SGCZ: variants seen among roughly 807,000 people sequenced by gnomAD.
SGCZ encodes the protein sarcoglycan zeta.
SGCZ carries 40 observed loss-of-function variants against 41.3 expected under a neutral mutation model. The observed-to-expected ratio is 0.97, with a 90% CI of 0.75 to 1.26. The LOEUF is 1.26. SGCZ is among the 50% of genes most tolerant of loss of function. SGCZ has a pLI of 0.00. For missense variants in SGCZ, 552 were observed against 369.8 expected, an observed-to-expected ratio of 1.49 and a Z score of -4.04; for synonymous variants, 206 against 137.5, an observed-to-expected ratio of 1.50 and a Z score of -3.49.
intron 1 of SGCZ, among the ~76,000 whole-genome samples, chr8:14,842,728 A>G (rs1431895982): frequency 6.6e-6 from 1 of 152,206 alleles, no homozygotes; most frequent in Non-Finnish European, 1.5e-5. Flanking sequence ...ATGAAAATGT[A>G]CTTGAAAAGA....
At chr8:14,336,684 C>G (rs566112565) in intron 2 of SGCZ, among the ~76,000 whole-genome samples, 1 of 152,184 alleles carries the variant, frequency 6.6e-6, no homozygotes, top group South Asian at 2.1e-4. Flanking sequence ...AGTTTTAAAA[C>G]CCAGATTTAT....
intron 5 of SGCZ, among the ~76,000 whole-genome samples, chr8:14,163,966 G>A (rs1331355383): frequency 6.6e-6 from 1 of 152,120 alleles, no homozygotes; most frequent in Non-Finnish European, 1.5e-5. Context: ...TAATTCAGAA[G>A]AGATTGTGCT....
chr8:14,656,739 A>G (rs1807591392), intron 1 of SGCZ, among the ~76,000 whole-genome samples: 2 of 151,480 alleles, frequency 1.3e-5, no homozygotes. Context: ...AACAGCTTCA[A>G]CTGAAAGTTT....
At position 14,772,862 on chromosome 8, in the gene SGCZ, G is replaced by A. The variant is rs371465988; in HGVS notation, c.40-217936C>T. The stretch of plus-strand genomic sequence containing the variant: ...TTTGGGTTGGTTCCAAGTCTTTGCT[G>A]TTGTGAATAGTGCCACAATAAACAT... On this transcript the variant is annotated intron_variant, in intron 1 of 7. Transcript: ENST00000382080. Among the ~76,000 whole-genome samples, 124 of 151,998 alleles carry A rather than the reference G, an allele frequency of 8.2e-4. 2 individuals are homozygous for A. The highest frequency in any genetic ancestry group is 2.8e-3 in the African/African-American group (114 of 41,432).
chr8:14,871,262 C>G (rs1262243334), intron 1 of SGCZ, among the ~76,000 whole-genome samples: 1 of 151,802 alleles, frequency 6.6e-6, no homozygotes. Context: ...TGTGGAGAAA[C>G]AGGAACCCTT....
At chr8:14,885,806 G>A (rs1039048633) in intron 1 of SGCZ, among the ~76,000 whole-genome samples, 2 of 151,410 alleles carry the variant, frequency 1.3e-5, no homozygotes, top group African/African-American at 4.9e-5. Context: ...TTTTGTTGTT[G>A]ATGATGTTAT....
intron 1 of SGCZ, among the ~76,000 whole-genome samples, chr8:14,806,053 C>G (rs1214978571): frequency 1.3e-5 from 2 of 151,470 alleles, no homozygotes; most frequent in Admixed American, 1.3e-4. Flanking sequence ...ATACAACATA[C>G]CAGAATCTCT....
chr8:14,564,427 C>G (rs1804297086), intron 1 of SGCZ, among the ~76,000 whole-genome samples: 1 of 152,206 alleles, frequency 6.6e-6, no homozygotes, highest in Non-Finnish European at 1.5e-5. Flanking sequence ...CAGATCCCAG[C>G]TTGTCCATTG....
At chr8:14,796,039 G>A (rs1246800902) in intron 1 of SGCZ, among the ~76,000 whole-genome samples, 1 of 152,158 alleles carries the variant, frequency 6.6e-6, no homozygotes, top group Non-Finnish European at 1.5e-5. Flanking sequence ...ATTCCATGGT[G>A]TGTATGTACC....
rs945555838 is a variant in SGCZ, at chr8:14,963,951, A to G, written c.39+273634T>C. Among the ~76,000 whole-genome samples, 6 of 152,184 alleles carry G rather than the reference A, an allele frequency of 3.9e-5. No homozygotes were observed. The East Asian group carries it at 1.2e-3, about 29-fold the overall frequency. Reference sequence around the variant, plus strand: ...AAAAATTTTTTCTAAGTTGTTTAATATAGCCCTCAAATGATAGCACGTGGA... The same window carrying G: ...AAAAATTTTTTCTAAGTTGTTTAATGTAGCCCTCAAATGATAGCACGTGGA... On this transcript the variant is annotated intron_variant, in intron 1 of 7. Coordinates refer to ENST00000382080, the MANE Select transcript of SGCZ (RefSeq NM_139167.4).
At chr8:14,927,487 G>T (rs1467236903) in intron 1 of SGCZ, among the ~76,000 whole-genome samples, 1 of 152,118 alleles carries the variant, frequency 6.6e-6, no homozygotes, top group African/African-American at 2.4e-5. Flanking sequence ...GTGTAAGGGA[G>T]AGAGAGAATA....
intron 1 of SGCZ, among the ~76,000 whole-genome samples, chr8:15,103,805 T>C (rs1197906271): frequency 3.3e-5 from 5 of 151,716 alleles, no homozygotes; most frequent in Non-Finnish European, 4.4e-5. Flanking sequence ...GAAAGAAACA[T>C]GAAGAAAAGG....
At chr8:14,120,122 TA>T (rs1226397999) in intron 5 of SGCZ, among the ~76,000 whole-genome samples, 5 of 152,078 alleles carry the variant, frequency 3.3e-5, no homozygotes, top group Admixed American at 1.3e-4. Context: ...ACCAAATTTC[TA>T]AAAAAGGTAT....
At chr8:14,190,586 A>G (rs1166619610) in intron 4 of SGCZ, among the ~76,000 whole-genome samples, 1 of 151,830 alleles carries the variant, frequency 6.6e-6, no homozygotes, top group Non-Finnish European at 1.5e-5. Flanking sequence ...TGGATGACAT[A>G]TAAATCTTCT....
chr8:14,910,635 T>A (rs13253015), intron 1 of SGCZ, among the ~76,000 whole-genome samples: 10,221 of 151,996 alleles, frequency 0.067, 475 homozygotes, highest in Non-Finnish European at 0.097. Context: ...TATTTTATGA[T>A]GGACATTAAC....
At chr8:15,045,081 ATATT>A (rs58199682) in intron 1 of SGCZ, among the ~76,000 whole-genome samples, 8 of 151,726 alleles carry the variant, frequency 5.3e-5, no homozygotes, top group Admixed American at 2.0e-4. Flanking sequence ...TGAGCTTTTT[ATATT>A]TATTTATTTA....
intron 2 of SGCZ, among the ~76,000 whole-genome samples, chr8:14,449,890 G>A (rs963301067): frequency 6.6e-6 from 1 of 152,042 alleles, no homozygotes; most frequent in Admixed American, 6.6e-5. Flanking sequence ...CTTCACCATC[G>A]TAAACAAAGT....
chr8:14,748,116 C>T (rs186933563), intron 1 of SGCZ, among the ~76,000 whole-genome samples: 15 of 152,204 alleles, frequency 9.9e-5, no homozygotes, highest in East Asian at 7.7e-4. Context: ...AAAGGCTTCC[C>T]GTGTGTCCAA....
chr8:14,715,701 A>C (rs1010611020), intron 1 of SGCZ, among the ~76,000 whole-genome samples: 2 of 152,124 alleles, frequency 1.3e-5, no homozygotes, highest in African/African-American at 4.8e-5. Context: ...TAGGCAGAAA[A>C]TTTAGATTAA....
Sources: allele counts gnomAD v4.1 joint callset (sites outside exome capture counted in the v4.1 genomes callset), GRCh38; gene constraint gnomAD v4.1.1; transcripts MANE v1.5; gene names NCBI Gene and HGNC (gene_info 2026-07-23, HGNC 2026-07-21).